RNF175: variants seen among roughly 807,000 people sequenced by gnomAD.
RNF175 encodes the protein ring finger protein 175.
A neutral mutation model predicts 50.0 loss-of-function variants in RNF175; 38 were observed. That is an observed-to-expected ratio of 0.76 (90% CI 0.59 to 1.00). The LOEUF (loss-of-function observed/expected upper bound fraction) is 1.00, where lower values mean the gene tolerates loss of function less well. Among genes scored for constraint, RNF175 ranks in the 50% least tolerant of loss-of-function variants. RNF175 has a pLI of 0.00. For missense variants in RNF175, 388 were observed against 409.6 expected, an observed-to-expected ratio of 0.95 and a Z score of 0.46; for synonymous variants, 155 against 146.1, an observed-to-expected ratio of 1.06 and a Z score of -0.44.
chr4:153,726,271 C>A (rs1258901571), intron 4 of RNF175, among the ~76,000 whole-genome samples: 1 of 151,964 alleles, frequency 6.6e-6, no homozygotes, highest in Non-Finnish European at 1.5e-5. Flanking sequence ...CACCCAGCTA[C>A]TTTTTGTATT....
chr4:153,748,338 G>C, intron 3 of RNF175: 1 of 244,662 alleles, frequency 4.1e-6, no homozygotes, highest in Non-Finnish European at 7.8e-6. Context: ...TTTTAGGCCA[G>C]ATAATTTTTG....
rs557389564 is a variant in RNF175 at position 153,747,258 on chromosome 4, G to C, written c.246+1387C>G. Among the ~76,000 whole-genome samples the C allele has an allele frequency of 5.9e-5, 9 of 152,332 alleles. No homozygotes were observed. The East Asian group carries it at 1.7e-3, about 29-fold the overall frequency. ...TTTTTATTCTTTACGTAGCCAGGCT[G>C]TGAGTTTTCCAAATTTTATATTGTT... is the stretch of plus-strand genomic sequence containing the variant. On this transcript the variant is annotated intron_variant, in intron 3 of 8. Coordinates refer to ENST00000347063, the MANE Select transcript of RNF175 (RefSeq NM_173662.4).
intron 3 of RNF175, among the ~76,000 whole-genome samples, chr4:153,745,435 T>C (rs1472254523): frequency 6.6e-6 from 1 of 152,196 alleles, no homozygotes; most frequent in Non-Finnish European, 1.5e-5. Flanking sequence ...TCTCTGGCTC[T>C]GGTGGTGAAC....
In RNF175 at chr4:153,723,488, G is replaced by GAACACAGA. The variant is rs149063555; in HGVS notation, c.402-38_402-31dup. On this transcript the variant is annotated intron_variant, in intron 4 of 8. Transcript: ENST00000347063. The stretch of plus-strand genomic sequence containing the variant: ...GGAGTGAAAAATGGGGAGAAACACA[G>GAACACAGA]AACACAGAAACACAGAAAAATGGGG... 1,070 of 974,998 alleles carry GAACACAGA rather than the reference G, an allele frequency of 1.1e-3. 7 individuals carry two copies. In the African/African-American group the frequency reaches 0.016, roughly 14 times the overall value. 60.4% of individuals were successfully genotyped at this position (974,998 alleles called of 1,614,324 possible).
intron 3 of RNF175, among the ~76,000 whole-genome samples, 161 bp from the exon 4 acceptor site, chr4:153,728,522 G>A (rs1738846833): frequency 6.6e-6 from 1 of 152,194 alleles, no homozygotes. Flanking sequence ...CCCTAGACAG[G>A]CCAGGCTATG....
intron 6 of RNF175, among the ~76,000 whole-genome samples, chr4:153,718,222 G>GTTTTGT (rs1460898288): frequency 0.056 from 2,047 of 36,844 alleles, 139 homozygotes; most frequent in East Asian, 0.32. Flanking sequence ...TTTTTTGTTT[G>GTTTTGT]TTTGTTTGTT....
intron 7 of RNF175, chr4:153,714,945 TG>T (rs1178466366): frequency 6.2e-6 from 1 of 161,124 alleles, no homozygotes; most frequent in Non-Finnish European, 1.4e-5. Context: ...TCCCTGCTTT[TG>T]TAATCCAAGG....
rs150983446 is a variant in RNF175 at position 153,755,802 on chromosome 4, C to T, written c.66+3995G>A. Among the ~76,000 whole-genome samples the T allele has an allele frequency of 4.3e-3, 657 of 151,984 alleles. 4 individuals carry two copies. Among genetic ancestry groups the T allele is most frequent in the African/African-American group, 0.014 (590 of 41,434 alleles). ...TGAAATGCTCACCAAGTACCCAGCC[C>T]GATGGATGAAAAAGACCCATATTTT... On this transcript the variant is annotated intron_variant, in intron 1 of 8. Coordinates refer to ENST00000347063, the MANE Select transcript of RNF175 (RefSeq NM_173662.4).
chr4:153,712,203 G>T (rs1737632957), intron 8 of RNF175, among the ~76,000 whole-genome samples: 1 of 151,682 alleles, frequency 6.6e-6, no homozygotes, highest in African/African-American at 2.4e-5. Context: ...CCTATTTTTT[G>T]CAGTGTCTCA....
At chr4:153,725,806 T>A (rs949627274) in intron 4 of RNF175, among the ~76,000 whole-genome samples, 1 of 152,356 alleles carries the variant, frequency 6.6e-6, no homozygotes, top group South Asian at 2.1e-4. Flanking sequence ...GCACACTAAA[T>A]GCTCAATATG....
chr4:153,719,509 C>A (rs192006912), intron 6 of RNF175, among the ~76,000 whole-genome samples: 7 of 152,156 alleles, frequency 4.6e-5, no homozygotes, highest in African/African-American at 1.7e-4. Context: ...TTAAGATATG[C>A]AAGAGTCAGA....
intron 4 of RNF175, among the ~76,000 whole-genome samples, chr4:153,724,646 G>C (rs1738562437): frequency 6.6e-6 from 1 of 152,078 alleles, no homozygotes; most frequent in Admixed American, 6.5e-5. Flanking sequence ...AAATACTTAA[G>C]ATCTATGATA....
intron 2 of RNF175, among the ~76,000 whole-genome samples, chr4:153,749,002 T>C (rs551256496): frequency 8.1e-4 from 124 of 152,344 alleles, no homozygotes; most frequent in African/African-American, 3.0e-3. Flanking sequence ...AAGGAGCAGC[T>C]GGGAGGAGGA....
intron 6 of RNF175, among the ~76,000 whole-genome samples, chr4:153,717,877 A>G (rs1462472130): frequency 6.6e-6 from 1 of 152,108 alleles, no homozygotes; most frequent in Non-Finnish European, 1.5e-5. Flanking sequence ...TTCCTAAATT[A>G]TTTTTAAAAT....
chr4:153,744,150 A>G (rs1249097184), intron 3 of RNF175, among the ~76,000 whole-genome samples: 1 of 152,180 alleles, frequency 6.6e-6, no homozygotes, highest in Non-Finnish European at 1.5e-5. Flanking sequence ...GGCCAGGCGC[A>G]GTGGCTCATA....
chr4:153,718,218 G>GTTTTTTTTTTTTT (rs1560770428), intron 6 of RNF175, among the ~76,000 whole-genome samples: 2 of 28,686 alleles, frequency 7.0e-5, no homozygotes, highest in Non-Finnish European at 3.1e-4. Flanking sequence ...AGTTTTTTTT[G>GTTTTTTTTTTTTT]TTTGTTTGTT....
At position 153,729,572 on chromosome 4, in the gene RNF175, T is replaced by C. The variant is rs1055947016; in HGVS notation, c.247-1211A>G. ...CTTGGTGATAATAGTCTAAGGTCAA[T>C]AACCAAAGCTCTTGGACAGGACTTC... On this transcript the variant is annotated intron_variant, in intron 3 of 8. Transcript: ENST00000347063. The C allele has an allele frequency of 6.4e-6, 4 of 626,970 alleles. No individual in the cohort carries two copies. In the African/African-American group the frequency reaches 8.0e-5, roughly 12 times the overall value. 38.8% of individuals were successfully genotyped at this position (626,970 alleles called of 1,614,324 possible). A position where few individuals can be genotyped will look rare whatever the true frequency, so the allele number is the denominator to read the frequency against.
intron 2 of RNF175, 73 bp downstream of exon 2, chr4:153,751,365 T>C (rs910591080): frequency 8.4e-6 from 9 of 1,069,222 alleles, no homozygotes; most frequent in Non-Finnish European, 1.1e-5. Flanking sequence ...GATGACTTCA[T>C]TCATTTTCTC....
chr4:153,739,750 CT>C (rs961341957), intron 3 of RNF175, among the ~76,000 whole-genome samples: 2 of 152,032 alleles, frequency 1.3e-5, no homozygotes, highest in Admixed American at 6.6e-5. Context: ...TGTTTTTCCC[CT>C]CTCTGGCTGC....
Sources: gnomAD v4.1 joint callset for allele counts (sites outside exome capture counted in the v4.1 genomes callset) on GRCh38, gnomAD v4.1.1 for gene constraint, MANE v1.5 for transcripts, NCBI Gene and HGNC (gene_info 2026-07-23, HGNC 2026-07-21) for gene names.